EFNA5: variants seen among roughly 807,000 people sequenced by gnomAD.
The protein encoded by EFNA5 is ephrin-A5.
A neutral mutation model predicts 22.9 loss-of-function variants in EFNA5; 5 were observed. That is an observed-to-expected ratio of 0.22 (90% CI 0.11 to 0.46). The LOEUF (loss-of-function observed/expected upper bound fraction) is 0.46. EFNA5 is among the 20% of genes least tolerant of loss of function. The pLI, the probability that EFNA5 is intolerant of heterozygous loss-of-function variation, is 0.99. For missense variants in EFNA5, 237 were observed against 293.3 expected, an observed-to-expected ratio of 0.81 and a Z score of 1.40; for synonymous variants, 113 against 112.2, an observed-to-expected ratio of 1.01 and a Z score of -0.04.
chr5:107,471,540 C>T (rs926273022), intron 1 of EFNA5, among the ~76,000 whole-genome samples: 4 of 152,156 alleles, frequency 2.6e-5, no homozygotes, highest in Admixed American at 6.5e-5. Flanking sequence ...TTGTCTTTAT[C>T]CTTCATTTTG....
intron 1 of EFNA5, among the ~76,000 whole-genome samples, chr5:107,427,957 G>A (rs533018562): frequency 2.0e-5 from 3 of 151,950 alleles, no homozygotes; most frequent in Non-Finnish European, 4.4e-5. Flanking sequence ...ATAAATGACC[G>A]AATTGTTTTT....
rs1751180315 is a variant in EFNA5 at position 107,670,755 on chromosome 5, A to G, written c.-142T>C. On this transcript the variant is annotated 5_prime_UTR_variant, in exon 1 of 5. Transcript: ENST00000333274. ...AAATAAAAATGAAAGTGGGCGAGAA[A>G]GGAAAGAGGCGCCCACCAAGCTGGG... is the stretch of plus-strand genomic sequence containing the variant. The G allele has an allele frequency of 7.4e-6, 9 of 1,208,956 alleles. No homozygotes were observed. Among genetic ancestry groups the G allele is most frequent in the Non-Finnish European group, 9.1e-6 (8 of 877,700 alleles). 74.9% of individuals were successfully genotyped at this position (1,208,956 alleles called of 1,614,324 possible).
intron 1 of EFNA5, among the ~76,000 whole-genome samples, chr5:107,518,899 G>A (rs749845572): frequency 6.6e-6 from 1 of 152,126 alleles, no homozygotes; most frequent in Non-Finnish European, 1.5e-5. Flanking sequence ...GTCATTGAGA[G>A]GAACCATGTT....
At chr5:107,488,964 T>C (rs1224855457) in intron 1 of EFNA5, among the ~76,000 whole-genome samples, 1 of 152,122 alleles carries the variant, frequency 6.6e-6, no homozygotes, top group Non-Finnish European at 1.5e-5. Flanking sequence ...GTGCTAGGAT[T>C]ACAGGCATGA....
At chr5:107,617,753 G>A (rs1328002729) in intron 1 of EFNA5, among the ~76,000 whole-genome samples, 1 of 152,158 alleles carries the variant, frequency 6.6e-6, no homozygotes, top group East Asian at 1.9e-4. Context: ...GTGCTCTGTT[G>A]CGGCTAGAGT....
chr5:107,542,358 C>T (rs1316330895), intron 1 of EFNA5, among the ~76,000 whole-genome samples: 1 of 152,136 alleles, frequency 6.6e-6, no homozygotes, highest in African/African-American at 2.4e-5. Flanking sequence ...GTGAGAATTT[C>T]CTGTGGAAAA....
At chr5:107,399,804 C>T (rs910469346) in intron 2 of EFNA5, among the ~76,000 whole-genome samples, 1 of 152,118 alleles carries the variant, frequency 6.6e-6, no homozygotes, top group Non-Finnish European at 1.5e-5. Context: ...AACCATAGAA[C>T]GAGTATTTCT....
chr5:107,432,249 T>C (rs1748981851), intron 1 of EFNA5, among the ~76,000 whole-genome samples: 1 of 152,212 alleles, frequency 6.6e-6, no homozygotes, highest in Admixed American at 6.5e-5. Context: ...TCAGCAGCCA[T>C]TCACATAAAG....
At chr5:107,604,116 A>T (rs1285724399) in intron 1 of EFNA5, among the ~76,000 whole-genome samples, 1 of 149,384 alleles carries the variant, frequency 6.7e-6, no homozygotes, top group Non-Finnish European at 1.5e-5. Context: ...TAAAAATCAG[A>T]TAATTATTGG....
At chr5:107,644,237 C>T (rs1750584961) in intron 1 of EFNA5, among the ~76,000 whole-genome samples, 1 of 152,080 alleles carries the variant, frequency 6.6e-6, no homozygotes. Context: ...TCGTCGTCAT[C>T]CTCCATTAGT....
intron 1 of EFNA5, among the ~76,000 whole-genome samples, chr5:107,666,108 T>C (rs1751059706): frequency 6.6e-6 from 1 of 152,168 alleles, no homozygotes; most frequent in Non-Finnish European, 1.5e-5. Flanking sequence ...AGTTTTGTGA[T>C]GAAACTCATT....
chr5:107,502,893 C>G (rs1415748452), intron 1 of EFNA5, among the ~76,000 whole-genome samples: 1 of 152,158 alleles, frequency 6.6e-6, no homozygotes, highest in Non-Finnish European at 1.5e-5. Flanking sequence ...CATTCATTGC[C>G]TACAGGAACC....
At chr5:107,638,353 G>A (rs578223874) in intron 1 of EFNA5, among the ~76,000 whole-genome samples, 1 of 152,186 alleles carries the variant, frequency 6.6e-6, no homozygotes, top group Admixed American at 6.5e-5. Flanking sequence ...GGGCGGGTGG[G>A]TGAAGAAAGT....
intron 2 of EFNA5, among the ~76,000 whole-genome samples, chr5:107,398,565 G>C (rs535064329): frequency 1.3e-5 from 2 of 152,050 alleles, no homozygotes; most frequent in African/African-American, 2.4e-5. Context: ...AATCTGTCGA[G>C]GCCAGGCACA....
At chr5:107,386,221 T>A (rs1291196526) in intron 4 of EFNA5, among the ~76,000 whole-genome samples, 1 of 149,600 alleles carries the variant, frequency 6.7e-6, no homozygotes, top group Non-Finnish European at 1.5e-5. Flanking sequence ...GAGGAAATAA[T>A]TTTATTTCCC....
chr5:107,474,033 T>C (rs1750215014), intron 1 of EFNA5, among the ~76,000 whole-genome samples: 1 of 152,112 alleles, frequency 6.6e-6, no homozygotes, highest in Non-Finnish European at 1.5e-5. Flanking sequence ...AAAAGACAGA[T>C]TGTAAACTGA....
At chr5:107,582,212 G>A (rs1461053353) in intron 1 of EFNA5, among the ~76,000 whole-genome samples, 3 of 152,172 alleles carry the variant, frequency 2.0e-5, no homozygotes, top group East Asian at 1.9e-4. Context: ...AGTGTCAAAT[G>A]TTTTTGATAT....
At chr5:107,498,949 T>C (rs1747060288) in intron 1 of EFNA5, among the ~76,000 whole-genome samples, 1 of 140,814 alleles carries the variant, frequency 7.1e-6, no homozygotes, top group Non-Finnish European at 1.5e-5. Flanking sequence ...TTTCTTTATG[T>C]ATATAAGTAT....
intron 1 of EFNA5, among the ~76,000 whole-genome samples, chr5:107,652,790 G>T (rs1750758019): frequency 1.3e-5 from 2 of 151,912 alleles, no homozygotes; most frequent in South Asian, 4.2e-4. Flanking sequence ...TGTTTGTTTG[G>T]GTTCTTAAAC....
Sources: gnomAD v4.1 joint callset for allele counts (sites outside exome capture counted in the v4.1 genomes callset) on GRCh38, gnomAD v4.1.1 for gene constraint, MANE v1.5 for transcripts, NCBI Gene and HGNC (gene_info 2026-07-23, HGNC 2026-07-21) for gene names.